Variants in SIK3 observed in about 807,000 individuals in gnomAD.
SIK3 encodes the protein serine/threonine-protein kinase SIK3.
A neutral mutation model predicts 144.2 loss-of-function variants in SIK3; 28 were observed. The observed-to-expected ratio is 0.19, with a 90% CI of 0.14 to 0.27. SIK3 has a LOEUF of 0.27. Among genes scored for constraint, SIK3 ranks in the 10% least tolerant of loss-of-function variants. The pLI is 1.00. For missense variants in SIK3, 1,319 were observed against 1,776.0 expected (o/e 0.74, Z 4.62); for synonymous variants, 686 against 676.3 (o/e 1.01, Z -0.22).
chr11:117,052,238 T>C (rs1031918903), intron 1 of SIK3, among the ~76,000 whole-genome samples: 2 of 152,204 alleles, frequency 1.3e-5, no homozygotes, highest in African/African-American at 4.8e-5. Flanking sequence ...GGAACTTTCC[T>C]TGTATATGAT....
chr11:116,923,040 G>A (rs910480760), intron 4 of SIK3, among the ~76,000 whole-genome samples: 13 of 149,346 alleles, frequency 8.7e-5, no homozygotes, highest in Admixed American at 1.4e-4. Context: ...CCTCAGCCTC[G>A]TGAGTAGCTG....
At chr11:117,036,733 C>T (rs721783) in intron 1 of SIK3, among the ~76,000 whole-genome samples, 48,066 of 151,962 alleles carry the variant, frequency 0.32, 8,674 homozygotes, top group African/African-American at 0.5. Flanking sequence ...AATGACTCTT[C>T]GGCAAAATAC....
At chr11:117,061,859 A>G (rs1234493615) in intron 1 of SIK3, among the ~76,000 whole-genome samples, 1 of 152,242 alleles carries the variant, frequency 6.6e-6, no homozygotes, top group Non-Finnish European at 1.5e-5. Context: ...ACAAAAAAAG[A>G]GAATCAATTA....
Position 116,862,244 on chromosome 11 carries a change from G to A in SIK3, c.2187C>T (p.Tyr729=), listed in dbSNP as rs1943378309. The part of the protein sequence containing the change: ...LEKTQQQHML[Y]QQEQHHQILQ... Reference sequence around the variant, plus strand: ...GAATTTGATGGTGCTGCTCCTGCTGGTATAACATATGCTGCTGCTGGGTCT... The same window carrying A: ...GAATTTGATGGTGCTGCTCCTGCTGATATAACATATGCTGCTGCTGGGTCT... The change falls in exon 17 of 25, where the codon TAC becomes TAT. Residue 729 remains tyrosine (Y), a synonymous_variant. Coordinates refer to ENST00000445177, the MANE Select transcript of SIK3 (RefSeq NM_001366686.3). The A allele has an allele frequency of 7.4e-6, 12 of 1,614,174 alleles. No homozygotes were observed. The highest frequency in any genetic ancestry group is 1.0e-5 in the Non-Finnish European group (12 of 1,180,036).
chr11:116,917,093 T>C (rs1291685426), intron 4 of SIK3, among the ~76,000 whole-genome samples: 1 of 152,064 alleles, frequency 6.6e-6, no homozygotes, highest in Non-Finnish European at 1.5e-5. Context: ...TAGCTGGGAC[T>C]ACAGGTGCGT....
chr11:117,034,240 A>G (rs1027653676), intron 1 of SIK3, among the ~76,000 whole-genome samples: 1 of 152,240 alleles, frequency 6.6e-6, no homozygotes, highest in African/African-American at 2.4e-5. Context: ...TGCTAACACT[A>G]TAACTATATT....
chr11:117,070,051 C>A (rs1565613966), intron 1 of SIK3, among the ~76,000 whole-genome samples: 1 of 152,164 alleles, frequency 6.6e-6, no homozygotes, highest in Non-Finnish European at 1.5e-5. Context: ...TTACAACATG[C>A]TACTAAGAGA....
intron 21 of SIK3, among the ~76,000 whole-genome samples, chr11:116,854,350 A>C (rs1179607755): frequency 1.3e-5 from 2 of 152,224 alleles, no homozygotes; most frequent in Admixed American, 1.3e-4. Context: ...TGACAGAGCA[A>C]GACCCTGACT....
chr11:116,891,821 T>C (rs1164694186), intron 6 of SIK3, among the ~76,000 whole-genome samples: 2 of 151,330 alleles, frequency 1.3e-5, no homozygotes, highest in Non-Finnish European at 2.9e-5. Context: ...TAATTGGCTA[T>C]TGTTTAATTG....
chr11:116,844,612 ATATATAATATATATATAATATATTATAT>A lies in SIK3; in HGVS notation c.*1003_*1030del. ...TATATATATTTTATATATATATTAT[ATATATAATATATATATAATATATTATAT>A]TATATATTATATATATAATATATAT... On this transcript the variant is annotated 3_prime_UTR_variant, in exon 25 of 25. Coordinates refer to ENST00000445177, the MANE Select transcript of SIK3 (RefSeq NM_001366686.3). 1 of 41,224 alleles carries A rather than the reference ATATATAATATATATATAATATATTATAT, an allele frequency of 2.4e-5. No homozygotes were observed. Among genetic ancestry groups the A allele is most frequent in the South Asian group, 3.8e-4 (1 of 2,622 alleles). 2.6% of individuals were successfully genotyped at this position (41,224 alleles called of 1,614,324 possible). A position where few individuals can be genotyped will look rare whatever the true frequency, so the allele number is the denominator to read the frequency against.
In SIK3 at chr11:117,021,928, C is replaced by CAAAAAAAAAAAAAAAAAA. The variant is rs71037444; in HGVS notation, c.274-64882_274-64865dup. The stretch of plus-strand genomic sequence containing the variant: ...ATAGCACAGTGAGCCTCTGTCTCTA[C>CAAAAAAAAAAAAAAAAAA]AAAAAAAAAAAAAAAAAAAAAAAAA... On this transcript the variant is annotated intron_variant, in intron 1 of 24. Coordinates refer to ENST00000445177, the MANE Select transcript of SIK3 (RefSeq NM_001366686.3). 3.1e-4 allele frequency among the ~76,000 whole-genome samples: 18 copies of CAAAAAAAAAAAAAAAAAA among 59,000 alleles called. 1 individual carries two copies. The highest frequency in any genetic ancestry group is 3.9e-4 in the African/African-American group (8 of 20,704). The allele number at this position is 59,000 out of a possible 152,430, so 38.7% of individuals were successfully genotyped here.
intron 1 of SIK3, among the ~76,000 whole-genome samples, chr11:116,975,044 C>T (rs2135483625): frequency 6.6e-6 from 1 of 152,082 alleles, no homozygotes; most frequent in East Asian, 1.9e-4. Context: ...ATACCTGAAA[C>T]TCTTTCTGAA....
intron 2 of SIK3, 24 bp downstream of exon 2, chr11:116,956,924 T>C (rs770309761): frequency 7.0e-7 from 1 of 1,420,754 alleles, no homozygotes. Context: ...TTTGCAGCTA[T>C]CTGCTATACA....
intron 1 of SIK3, among the ~76,000 whole-genome samples, chr11:117,023,609 C>CAAAAAAAAAAAAAAAAAAAA (rs71469123): frequency 1.9e-5 from 1 of 51,990 alleles, no homozygotes; most frequent in African/African-American, 8.3e-5. Context: ...AACAAACAAA[C>CAAAAAAAAAAAAAAAAAAAA]AAAAAAAAAA....
intron 13 of SIK3, among the ~76,000 whole-genome samples, chr11:116,871,231 T>C (rs1021538488): frequency 6.6e-6 from 1 of 152,144 alleles, no homozygotes; most frequent in Non-Finnish European, 1.5e-5. Context: ...CCCCAGTCAC[T>C]AGAACAAAAA....
chr11:116,890,195 A>C (rs1010438235), intron 6 of SIK3, among the ~76,000 whole-genome samples: 5 of 152,226 alleles, frequency 3.3e-5, no homozygotes, highest in Non-Finnish European at 5.9e-5. Flanking sequence ...CTATGAAGAA[A>C]AAGCAGAATT....
chr11:117,038,445 C>T (rs1450382880), intron 1 of SIK3, among the ~76,000 whole-genome samples: 10 of 151,562 alleles, frequency 6.6e-5, no homozygotes, highest in Non-Finnish European at 8.8e-5. Context: ...CAGCCTCTGC[C>T]TCCCAGGTTC....
At chr11:117,066,080 T>C (rs568335107) in intron 1 of SIK3, among the ~76,000 whole-genome samples, 1 of 151,636 alleles carries the variant, frequency 6.6e-6, no homozygotes, top group East Asian at 1.9e-4. Context: ...CTTCTTTTTT[T>C]TTTTTTTGAG....
chr11:117,064,976 C>T (rs942039410), intron 1 of SIK3, among the ~76,000 whole-genome samples: 7 of 151,984 alleles, frequency 4.6e-5, no homozygotes, highest in African/African-American at 1.5e-4. Flanking sequence ...GGTGAAACCC[C>T]ATCTCCACTA....
Sources: gnomAD v4.1 joint callset for allele counts (sites outside exome capture counted in the v4.1 genomes callset) on GRCh38, gnomAD v4.1.1 for gene constraint, MANE v1.5 for transcripts, NCBI Gene and HGNC (gene_info 2026-07-23, HGNC 2026-07-21) for gene names.